The following BCAN variants were observed in gnomAD, a reference collection of about 807,000 sequenced individuals.
BCAN encodes the protein brevican core protein.
A neutral mutation model predicts 92.4 loss-of-function variants in BCAN; 51 were observed. The ratio of observed to expected loss-of-function variants is 0.55; its 90% CI spans 0.44 to 0.70. BCAN has a LOEUF of 0.70. Among genes scored for constraint, BCAN ranks in the 30% least tolerant of loss-of-function variants. The pLI, the probability that BCAN is intolerant of heterozygous loss-of-function variation, is 0.00. For missense variants in BCAN, 1,140 were observed against 1,212.1 expected (o/e 0.94, Z 0.88); for synonymous variants, 501 against 505.2 (o/e 0.99, Z 0.11).
intron 9 of BCAN, 38 bp downstream of exon 9, chr1:156,656,427 G>T: frequency 7.6e-7 from 1 of 1,308,984 alleles, no homozygotes; most frequent in South Asian, 2.7e-5. Flanking sequence ...TTGAAGCCTG[G>T]ACCCTGCCAC....
intron 6 of BCAN, among the ~76,000 whole-genome samples, chr1:156,649,134 G>A (rs1679080630): frequency 6.6e-6 from 1 of 152,152 alleles, no homozygotes; most frequent in Admixed American, 6.5e-5. Context: ...GCTCCAGCTG[G>A]GCTGCTGAAT....
At chr1:156,645,763 T>G (rs1678941857) in intron 1 of BCAN, among the ~76,000 whole-genome samples, 1 of 152,164 alleles carries the variant, frequency 6.6e-6, no homozygotes, top group Non-Finnish European at 1.5e-5. Flanking sequence ...ACTCATGAGA[T>G]AGTAATGATG....
intron 2 of BCAN, chr1:156,646,545 GA>G: frequency 1.7e-6 from 1 of 590,260 alleles, no homozygotes; most frequent in Non-Finnish European, 2.8e-6. Context: ...AAGACTCTGA[GA>G]GCAGGGCAAG....
At chr1:156,656,439 A>G (rs780983614) in intron 9 of BCAN, 50 bp downstream of exon 9, 10 of 1,264,250 alleles carry the variant, frequency 7.9e-6, no homozygotes, top group East Asian at 2.8e-5. Flanking sequence ...CCCTGCCACA[A>G]CGTGCTACTT....
rs1282981964 is a variant in BCAN, at chr1:156,652,136, C to G, written c.1298-112C>G. The G allele has an allele frequency of 7.0e-6, 10 of 1,426,490 alleles. No individual in the cohort carries two copies. The African/African-American group carries it at 1.1e-4, about 16-fold the overall frequency. 88.4% of individuals were successfully genotyped at this position (1,426,490 alleles called of 1,614,324 possible). A position where few individuals can be genotyped will look rare whatever the true frequency, so the allele number is the denominator to read the frequency against. The stretch of plus-strand genomic sequence containing the variant: ...CACCTGTCCTCAGGGCGGTCTCTTC[C>G]CTATTCCCCAGGGCTCACCCTCCTG... On this transcript the variant is annotated intron_variant, in intron 7 of 13. Transcript: ENST00000329117.
chr1:156,646,565 G>A, intron 2 of BCAN: 1 of 631,428 alleles, frequency 1.6e-6, no homozygotes, highest in Non-Finnish European at 2.5e-6. Context: ...AGGAATCCTG[G>A]GGGCTGAATT....
At chr1:156,646,498 C>A (rs915166133) in intron 2 of BCAN, 15 of 515,652 alleles carry the variant, frequency 2.9e-5, no homozygotes, top group African/African-American at 2.7e-4. Flanking sequence ...GTTGGAGGAC[C>A]CTGGGGTGTG....
chr1:156,646,687 G>A, intron 2 of BCAN, 114 bp from the exon 3 acceptor site: 4 of 1,456,170 alleles, frequency 2.7e-6, no homozygotes, highest in South Asian at 1.4e-5. Context: ...GTCCTAGGGG[G>A]GCCGGGGAAT....
intron 2 of BCAN, chr1:156,646,442 A>G (rs1678964983): frequency 2.0e-6 from 1 of 496,008 alleles, no homozygotes; most frequent in South Asian, 3.8e-5. Context: ...AGGAGGCCCT[A>G]AAGGGAGCAG....
intron 2 of BCAN, chr1:156,646,399 G>T (rs1678963358): frequency 2.0e-6 from 1 of 511,684 alleles, no homozygotes; most frequent in Non-Finnish European, 3.5e-6. Flanking sequence ...AAGCTAGGAG[G>T]TGGGAAAGGG....
rs1330533964 is a variant in BCAN, at chr1:156,652,587, C to T, written c.1637C>T (p.Pro546Leu). 1 of 1,614,132 alleles carries T rather than the reference C, an allele frequency of 6.2e-7. No individual in the cohort carries two copies. Among genetic ancestry groups the T allele is most frequent in the Admixed American group, 1.7e-5 (1 of 60,010 alleles). The change falls in exon 8 of 14, where the codon CCC (proline) becomes CTC (leucine). Residue 546 changes from proline (P) to leucine (L), a missense_variant. This residue lies in a region of BCAN where 825 missense variants were observed against 871.8 expected (regional missense o/e 0.95). Coordinates refer to ENST00000329117, the MANE Select transcript of BCAN (RefSeq NM_021948.5). ...HGPPTETLPTPRERNLASPSP... is the reference protein window; with the variant it reads ...HGPPTETLPTLRERNLASPSP... Reference sequence around the variant, plus strand: ...CCACCTACTGAGACTCTGCCCACTCCCAGGGAGAGGAACCTAGCATCCCCA... The same window carrying T: ...CCACCTACTGAGACTCTGCCCACTCTCAGGGAGAGGAACCTAGCATCCCCA...
rs1679431298 is a variant in BCAN, at chr1:156,658,909, C to T, written c.2629-118C>T. Reference sequence around the variant, plus strand: ...TCTGGGGTTCCTTCAGTGCTGATGTCTGATAACATGCAGCCCCATTCTGGG... The same window carrying T: ...TCTGGGGTTCCTTCAGTGCTGATGTTTGATAACATGCAGCCCCATTCTGGG... On this transcript the variant is annotated intron_variant, in intron 13 of 13. Coordinates refer to ENST00000329117, the MANE Select transcript of BCAN (RefSeq NM_021948.5). The surrounding 1 kb of genome is among the most constrained non-coding windows in gnomAD (Gnocchi z 4.4). The T allele has an allele frequency of 7.6e-7, 1 of 1,312,220 alleles. No homozygotes were observed. The highest frequency in any genetic ancestry group is 1.1e-6 in the Non-Finnish European group (1 of 944,554). The allele number at this position is 1,312,220 out of a possible 1,614,324, so 81.3% of individuals were successfully genotyped here. A position where few individuals can be genotyped will look rare whatever the true frequency, so the allele number is the denominator to read the frequency against.
Position 156,658,394 on chromosome 1 carries a change from C to A in BCAN, c.2437+123C>A. 1 of 1,472,578 alleles carries A rather than the reference C, an allele frequency of 6.8e-7. No individual in the cohort carries two copies. The allele number at this position is 1,472,578 out of a possible 1,614,324, so 91.2% of individuals were successfully genotyped here. On this transcript the variant is annotated intron_variant, in intron 12 of 13. Coordinates refer to ENST00000329117, the MANE Select transcript of BCAN (RefSeq NM_021948.5). This position sits in a 1 kb window ranked among gnomAD's most constrained non-coding sequence, Gnocchi z 4.4. Reference sequence around the variant, plus strand: ...TAGAGGAGTCAGAACGTGTTCCAGACCATGGGAGAGCTAACAAGTTACGTG... The same window carrying A: ...TAGAGGAGTCAGAACGTGTTCCAGAACATGGGAGAGCTAACAAGTTACGTG...
intron 6 of BCAN, among the ~76,000 whole-genome samples, chr1:156,650,305 C>T (rs1679118788): frequency 6.6e-6 from 1 of 152,062 alleles, no homozygotes; most frequent in South Asian, 2.1e-4. Flanking sequence ...GTGGAGGACA[C>T]AGGCAGCAAG....
intron 11 of BCAN, 83 bp downstream of exon 11, chr1:156,657,840 C>A: frequency 8.3e-7 from 1 of 1,207,646 alleles, no homozygotes; most frequent in Non-Finnish European, 1.2e-6. Context: ...CCCTCCCGAC[C>A]CTGTCCCCTT....
Position 156,653,232 on chromosome 1 carries a change from C to G in BCAN, c.1942+340C>G, listed in dbSNP as rs539616543. 45 of 1,254,918 alleles carry G rather than the reference C, an allele frequency of 3.6e-5. No homozygotes were observed. The Admixed American group carries it at 1.3e-3, about 35-fold the overall frequency. 77.7% of individuals were successfully genotyped at this position (1,254,918 alleles called of 1,614,324 possible). A position where few individuals can be genotyped will look rare whatever the true frequency, so the allele number is the denominator to read the frequency against. On this transcript the variant is annotated intron_variant, in intron 8 of 13. Coordinates refer to ENST00000329117, the MANE Select transcript of BCAN (RefSeq NM_021948.5). ...CAAGGGTCCTCATCACCTATTGCAG[C>G]CTTCAGGGCTCGGCCTATTTTCCAC...
At chr1:156,650,322 A>G (rs992614002) in intron 6 of BCAN, among the ~76,000 whole-genome samples, 5 of 152,058 alleles carry the variant, frequency 3.3e-5, no homozygotes. Flanking sequence ...CAAGGACACA[A>G]GGTCTGGTGA....
chr1:156,647,239 G>T lies in BCAN; in HGVS notation c.466+64G>T, dbSNP rs1272806119. ...GAGGGAAGGGAGGACTCTTGCCTTC[G>T]GGGATCCCACAGTGTGAGAGGGAAG... On this transcript the variant is annotated intron_variant, in intron 3 of 13. Transcript: ENST00000329117. The surrounding 1 kb of genome is among the most constrained non-coding windows in gnomAD (Gnocchi z 4.8). 36 of 1,462,246 alleles carry T rather than the reference G, an allele frequency of 2.5e-5. No homozygotes were observed. The highest frequency in any genetic ancestry group is 3.1e-5 in the Non-Finnish European group (34 of 1,101,264). The allele number at this position is 1,462,246 out of a possible 1,614,324, so 90.6% of individuals were successfully genotyped here. A position where few individuals can be genotyped will look rare whatever the true frequency, so the allele number is the denominator to read the frequency against.
rs112616200 is a variant in BCAN at position 156,658,088 on chromosome 1, T to C, written c.2293-39T>C. The C allele has an allele frequency of 4.4e-6, 7 of 1,604,724 alleles. No homozygotes were observed. The East Asian group carries it at 1.3e-4, about 31-fold the overall frequency. On this transcript the variant is annotated intron_variant, in intron 11 of 13. Coordinates refer to ENST00000329117, the MANE Select transcript of BCAN (RefSeq NM_021948.5). This position sits in a 1 kb window ranked among gnomAD's most constrained non-coding sequence, Gnocchi z 4.4. ...CCTCTAGGCCCTCTCCCGGTGCTCCTGGTGTAGGAGCTCCTCACCACCTCC... is the reference window on the plus strand; with the variant it reads ...CCTCTAGGCCCTCTCCCGGTGCTCCCGGTGTAGGAGCTCCTCACCACCTCC...
Sources: allele counts gnomAD v4.1 joint callset (sites outside exome capture counted in the v4.1 genomes callset), GRCh38; gene constraint gnomAD v4.1.1; regional missense constraint gnomAD v4.1.1; non-coding constraint Gnocchi (gnomAD v3.1); transcripts MANE v1.5; gene names NCBI Gene and HGNC (gene_info 2026-07-23, HGNC 2026-07-21).